Variants in CSMD1 observed in about 807,000 individuals in gnomAD.
CSMD1 encodes CUB and Sushi multiple domains 1.
A neutral mutation model predicts 417.5 loss-of-function variants in CSMD1; 213 were observed. The ratio of observed to expected loss-of-function variants is 0.51; its 90% CI spans 0.46 to 0.57. The LOEUF (loss-of-function observed/expected upper bound fraction) is 0.57, where lower values mean the gene tolerates loss of function less well. Ranked by LOEUF, CSMD1 falls within the 20% of genes least tolerant of loss-of-function variation. The pLI, the probability that CSMD1 is intolerant of heterozygous loss-of-function variation, is 0.00. For synonymous variants in CSMD1, 2,862 were observed against 1,736.8 expected (o/e 1.65, Z -16.11); for missense variants, 6,923 against 4,529.7 (o/e 1.53, Z -15.17).
chr8:4,869,468 C>T (rs1802608478), intron 1 of CSMD1, among the ~76,000 whole-genome samples: 1 of 151,938 alleles, frequency 6.6e-6, no homozygotes, highest in East Asian at 1.9e-4. Context: ...TATCTGCAAC[C>T]AGACTATATA....
intron 49 of CSMD1, among the ~76,000 whole-genome samples, chr8:3,061,943 G>C (rs13280358): frequency 1.3e-5 from 2 of 152,024 alleles, no homozygotes; most frequent in African/African-American, 4.8e-5. Context: ...TATCAGAGTA[G>C]CTGATGACGA....
chr8:4,580,507 G>A (rs1383854446), intron 2 of CSMD1, among the ~76,000 whole-genome samples: 1 of 152,184 alleles, frequency 6.6e-6, no homozygotes, highest in Non-Finnish European at 1.5e-5. Context: ...ATATCATGAG[G>A]TTCTGGCTCG....
At chr8:4,122,574 A>G (rs1802546320) in intron 3 of CSMD1, among the ~76,000 whole-genome samples, 1 of 152,174 alleles carries the variant, frequency 6.6e-6, no homozygotes, top group Admixed American at 6.5e-5. Context: ...TGTTTGGAGG[A>G]CATCGCATGC....
intron 1 of CSMD1, among the ~76,000 whole-genome samples, chr8:4,864,897 A>ACACACACACAAAC: frequency 2.0e-5 from 1 of 50,402 alleles, no homozygotes; most frequent in Non-Finnish European, 5.9e-5. Context: ...CACACACACA[A>ACACACACACAAAC]ACACACACAC....
At chr8:3,601,908 G>C (rs1006313027) in intron 8 of CSMD1, among the ~76,000 whole-genome samples, 1 of 152,048 alleles carries the variant, frequency 6.6e-6, no homozygotes, top group South Asian at 2.1e-4. Context: ...CCTAGAGAGA[G>C]AGAGGGTTAT....
intron 37 of CSMD1, among the ~76,000 whole-genome samples, chr8:3,179,217 T>C (rs375829663): frequency 1.8e-4 from 27 of 152,132 alleles, no homozygotes; most frequent in East Asian, 1.2e-3. Context: ...AGTGCTGGGA[T>C]TACAGGCGTG....
intron 23 of CSMD1, among the ~76,000 whole-genome samples, chr8:3,309,802 T>C (rs79148854): frequency 0.042 from 6,389 of 152,262 alleles, 441 homozygotes; most frequent in African/African-American, 0.14. Flanking sequence ...AATGTATTCT[T>C]AACTTCACAA....
chr8:4,410,917 C>T (rs1403308346), intron 3 of CSMD1, among the ~76,000 whole-genome samples: 1 of 152,168 alleles, frequency 6.6e-6, no homozygotes, highest in African/African-American at 2.4e-5. Flanking sequence ...CAATGAATGT[C>T]TTTCTCTTCA....
chr8:4,673,931 C>T (rs6558898), intron 1 of CSMD1, among the ~76,000 whole-genome samples: 4,845 of 151,972 alleles, frequency 0.032, 252 homozygotes, highest in African/African-American at 0.11. Flanking sequence ...ATAAAAAGCC[C>T]TAAAATTAAT....
chr8:4,608,371 G>A (rs984659316), intron 2 of CSMD1, among the ~76,000 whole-genome samples: 1 of 152,176 alleles, frequency 6.6e-6, no homozygotes, highest in Non-Finnish European at 1.5e-5. Context: ...CCGGAACATG[G>A]TGGAGTGGCA....
rs374182184 is a variant in CSMD1, at chr8:4,390,057, G to C, written c.415+29896C>G. Among the ~76,000 whole-genome samples, 26 of 152,174 alleles carry C rather than the reference G, an allele frequency of 1.7e-4. No individual in the cohort carries two copies. The East Asian group carries it at 3.5e-3, about 20-fold the overall frequency. Reference sequence around the variant, plus strand: ...TTGCTATACTAATTTACATTTTCTAGAGCAATTTGAGAATTACCACTTCTA... The same window carrying C: ...TTGCTATACTAATTTACATTTTCTACAGCAATTTGAGAATTACCACTTCTA... On this transcript the variant is annotated intron_variant, in intron 3 of 69. Coordinates refer to ENST00000635120, the MANE Select transcript of CSMD1 (RefSeq NM_033225.6).
At chr8:4,819,347 T>C (rs1250300321) in intron 1 of CSMD1, among the ~76,000 whole-genome samples, 2 of 152,180 alleles carry the variant, frequency 1.3e-5, no homozygotes, top group African/African-American at 2.4e-5. Context: ...AGGGAATATG[T>C]GTCCATTTAC....
intron 18 of CSMD1, among the ~76,000 whole-genome samples, chr8:3,383,302 A>C (rs1810759027): frequency 6.6e-6 from 1 of 152,228 alleles, no homozygotes; most frequent in Non-Finnish European, 1.5e-5. Context: ...AGCTGTTAAA[A>C]TGTTTAAAGT....
intron 5 of CSMD1, among the ~76,000 whole-genome samples, chr8:3,778,055 C>T (rs1317127835): frequency 6.6e-6 from 1 of 152,204 alleles, no homozygotes; most frequent in Admixed American, 6.5e-5. Flanking sequence ...ACAGGCTGTC[C>T]ACGTCCCTCC....
chr8:4,375,046 G>A (rs11786916), intron 3 of CSMD1, among the ~76,000 whole-genome samples: 26,085 of 149,726 alleles, frequency 0.17, 2,454 homozygotes, highest in Admixed American at 0.24. Context: ...TGAAGATTAA[G>A]AGGCTGTTAT....
intron 5 of CSMD1, among the ~76,000 whole-genome samples, chr8:3,775,485 G>A (rs958948473): frequency 2.6e-5 from 4 of 152,154 alleles, no homozygotes; most frequent in Admixed American, 6.5e-5. Context: ...AAAAGGACAC[G>A]GGGTGAAGTT....
At chr8:4,112,948 T>C (rs912044148) in intron 3 of CSMD1, among the ~76,000 whole-genome samples, 10 of 152,214 alleles carry the variant, frequency 6.6e-5, no homozygotes, top group Non-Finnish European at 5.9e-5. Context: ...TCCTTTTGCG[T>C]TACATTTTGG....
intron 3 of CSMD1, among the ~76,000 whole-genome samples, chr8:4,350,205 G>T (rs1048942396): frequency 1.3e-5 from 2 of 152,060 alleles, no homozygotes; most frequent in African/African-American, 4.8e-5. Flanking sequence ...CAATTGCAAG[G>T]CTCTGTCAAG....
intron 53 of CSMD1, among the ~76,000 whole-genome samples, chr8:2,999,753 G>C (rs1310339969): frequency 6.1e-5 from 9 of 148,556 alleles, no homozygotes; most frequent in African/African-American, 2.1e-4. Flanking sequence ...AAAGGAGTTT[G>C]AAGGAAACAA....
Sources: gnomAD v4.1 joint callset for allele counts (sites outside exome capture counted in the v4.1 genomes callset) on GRCh38, gnomAD v4.1.1 for gene constraint, MANE v1.5 for transcripts, NCBI Gene and HGNC (gene_info 2026-07-23, HGNC 2026-07-21) for gene names.